The following RIF1 variants were observed in gnomAD, a reference collection of about 807,000 sequenced individuals.
RIF1 encodes the protein replication timing regulatory factor 1.
Under a neutral mutation model 247.1 loss-of-function variants are expected in RIF1, and 45 were observed. That is an observed-to-expected ratio of 0.18 (90% confidence interval 0.14 to 0.23). The LOEUF is 0.23. Among genes scored for constraint, RIF1 ranks in the 10% least tolerant of loss-of-function variants. The pLI is 1.00. For synonymous variants in RIF1, 1,087 were observed against 978.8 expected (o/e 1.11, Z -2.06); for missense variants, 2,967 against 2,862.5 (o/e 1.04, Z -0.83).
intron 13 of RIF1, 72 bp downstream of exon 13, chr2:151,437,423 C>T: frequency 8.7e-7 from 1 of 1,150,508 alleles, no homozygotes; most frequent in South Asian, 1.3e-5. Context: ...AGTCACAGTA[C>T]CTCACACCTG....
At chr2:151,531,167 T>C in the RIF1 span, 1 of 1,078,560 alleles carries the variant, frequency 9.3e-7, no homozygotes, top group Non-Finnish European at 1.4e-6. Flanking sequence ...AAAATATAAA[T>C]GCAAAGTTTT....
In RIF1 at chr2:151,462,998, A is replaced by G. The variant is rs1696423163; in HGVS notation, c.3478A>G (p.Lys1160Glu). 3 of 1,614,008 alleles carry G rather than the reference A, an allele frequency of 1.9e-6. No homozygotes were observed. In the East Asian group the frequency reaches 6.7e-5, roughly 36 times the overall value. ...GAATAATGAGTGTGGTTCTCTTGAC[A>G]AAACCAGTCCAGAAATGTCAAACAG... ...LSNNECGSLD[K>E]TSPEMSNSNN... The change falls in exon 30 of 36, where the codon AAA (lysine) becomes GAA (glutamate). Residue 1160 changes from lysine (K) to glutamate (E), a missense_variant. By Grantham distance (56) the Lys-to-Glu change is moderately conservative. Coordinates refer to ENST00000444746, the MANE Select transcript of RIF1 (RefSeq NM_018151.5).
At chr2:151,498,730 A>G (rs1003474426) in intron 10 of RIF1, among the ~76,000 whole-genome samples, 4 of 152,176 alleles carry the variant, frequency 2.6e-5, no homozygotes, top group African/African-American at 9.6e-5. Flanking sequence ...TTAATCACAT[A>G]GGGATATTTG....
At chr2:151,439,262 G>A (rs1012041442) in intron 14 of RIF1, among the ~76,000 whole-genome samples, 4 of 152,122 alleles carry the variant, frequency 2.6e-5, no homozygotes, top group Non-Finnish European at 5.9e-5. Context: ...GACTCATGCC[G>A]TCCAAACCCG....
intron 15 of RIF1, among the ~76,000 whole-genome samples, chr2:151,440,537 A>T (rs558398574): frequency 1.3e-5 from 2 of 151,238 alleles, no homozygotes; most frequent in South Asian, 2.1e-4. Context: ...TTTTTTTTTT[A>T]AACCCGTGTA....
chr2:151,480,034 G>T lies in RIF1; in HGVS notation c.*4963G>T, dbSNP rs2049103264. 1 of 152,106 alleles carries T rather than the reference G, an allele frequency of 6.6e-6. No individual in the cohort carries two copies. Among genetic ancestry groups the T allele is most frequent in the Non-Finnish European group, 1.5e-5 (1 of 68,006 alleles). The allele number at this position is 152,106 out of a possible 1,614,324, so 9.4% of individuals were successfully genotyped here. A position where few individuals can be genotyped will look rare whatever the true frequency, so the allele number is the denominator to read the frequency against. ...CTAAACAGTTGTGAGAATTTACTCA[G>T]TTCTGAAATAGAATGTTAAATTTTC... On this transcript the variant is annotated 3_prime_UTR_variant, in exon 36 of 36. Transcript: ENST00000444746.
At chr2:151,520,580 G>A in the RIF1 span, among the ~76,000 whole-genome samples, 1 of 152,170 alleles carries the variant, frequency 6.6e-6, no homozygotes, top group East Asian at 1.9e-4. Context: ...TAAAGAGGAT[G>A]ATAGCCAGGT....
chr2:151,503,729 C>A (rs1442018680), intron 12 of RIF1, among the ~76,000 whole-genome samples: 1 of 152,170 alleles, frequency 6.6e-6, no homozygotes, highest in Non-Finnish European at 1.5e-5. Flanking sequence ...AAAAATCTAA[C>A]CATTTTGTTG....
At chr2:151,452,823 A>G (rs143601533) in intron 21 of RIF1, among the ~76,000 whole-genome samples, 2 of 152,348 alleles carry the variant, frequency 1.3e-5, no homozygotes, top group East Asian at 3.9e-4. Context: ...AATTTTACCT[A>G]TGTTGGTACT....
intron 21 of RIF1, among the ~76,000 whole-genome samples, chr2:151,452,337 A>G (rs1187515271): frequency 2.6e-5 from 4 of 152,228 alleles, no homozygotes; most frequent in Non-Finnish European, 4.4e-5. Context: ...GAAGTCAGAT[A>G]TATCCACCTA....
the RIF1 span, chr2:151,524,653 G>C: frequency 5.0e-5 from 26 of 515,284 alleles, no homozygotes; most frequent in African/African-American, 1.3e-4. Flanking sequence ...CAAGAGAGAG[G>C]CTTTTTTTTT....
chr2:151,534,386 G>A, the RIF1 span: 2 of 1,366,616 alleles, frequency 1.5e-6, no homozygotes, highest in African/African-American at 1.4e-5. Context: ...ATGTCTCAAG[G>A]TAAACACTCC....
chr2:151,436,909 C>T lies in RIF1; in HGVS notation c.1278C>T (p.Ser426=), dbSNP rs1489044195. The stretch of plus-strand genomic sequence containing the variant: ...TAGGTGGAATGGCCACAATCCCATC[C>T]ATTCAACTTTTGGGACTTGAAATGT... ...SNLGGMATIP[S]IQLLGLEMLL... is the part of the protein sequence containing the mutation. Residue 426 remains serine (S), a synonymous_variant, in exon 12 of 36, where the codon TCC becomes TCT. Coordinates refer to ENST00000444746, the MANE Select transcript of RIF1 (RefSeq NM_018151.5). 1 of 1,613,926 alleles carries T rather than the reference C, an allele frequency of 6.2e-7. No homozygotes were observed. Among genetic ancestry groups the T allele is most frequent in the Non-Finnish European group, 8.5e-7 (1 of 1,179,874 alleles).
intron 9 of RIF1, chr2:151,490,321 T>C (rs1301107230): frequency 3.8e-6 from 6 of 1,560,378 alleles, no homozygotes; most frequent in South Asian, 3.5e-5. Context: ...ATAGTAACCA[T>C]CAATGAGCTG....
chr2:151,516,817 C>T, the RIF1 span, among the ~76,000 whole-genome samples: 1 of 152,120 alleles, frequency 6.6e-6, no homozygotes, highest in South Asian at 2.1e-4. Flanking sequence ...GAATCATTGA[C>T]AAGAGCCAGC....
At chr2:151,445,880 C>T (rs1043239119) in intron 19 of RIF1, among the ~76,000 whole-genome samples, 1 of 151,950 alleles carries the variant, frequency 6.6e-6, no homozygotes, top group African/African-American at 2.4e-5. Context: ...GACTTTATTA[C>T]TAGCTTAGGA....
chr2:151,501,927 C>A (rs1324799657), intron 11 of RIF1, among the ~76,000 whole-genome samples: 1 of 151,918 alleles, frequency 6.6e-6, no homozygotes, highest in East Asian at 1.9e-4. Context: ...TGAAAGTTTT[C>A]CAAAGGAAAA....
downstream of RIF1, chr2:151,485,850 A>G (rs1318353591): frequency 6.2e-7 from 1 of 1,613,896 alleles, no homozygotes; most frequent in Non-Finnish European, 8.5e-7. Flanking sequence ...CAATTGCTTG[A>G]ACATTTATGA....
At chr2:151,449,826 T>C (rs538930042) in intron 20 of RIF1, among the ~76,000 whole-genome samples, 2 of 150,896 alleles carry the variant, frequency 1.3e-5, no homozygotes, top group East Asian at 3.9e-4. Flanking sequence ...TCAGTGATCA[T>C]ATAGACTACT....
Sources: gnomAD v4.1 joint callset for allele counts (sites outside exome capture counted in the v4.1 genomes callset) on GRCh38, gnomAD v4.1.1 for gene constraint, MANE v1.5 for transcripts, NCBI Gene and HGNC (gene_info 2026-07-23, HGNC 2026-07-21) for gene names.